Variants in SPSB4 observed in about 807,000 individuals in gnomAD.
SPSB4 encodes the protein SPRY domain-containing SOCS box protein 4.
A neutral mutation model predicts 20.9 loss-of-function variants in SPSB4; 21 were observed. That is an observed-to-expected ratio of 1.01 (90% CI 0.71 to 1.45). The LOEUF (loss-of-function observed/expected upper bound fraction) is 1.45. Ranked by LOEUF, SPSB4 falls within the 40% of genes most tolerant of loss-of-function variation. The pLI is 0.00. For synonymous variants in SPSB4, 207 were observed against 183.8 expected (o/e 1.13, Z -1.02); for missense variants, 399 against 399.2 (o/e 1.00, Z 0.00).
At chr3:141,118,249 GA>G (rs1938911381) in intron 2 of SPSB4, among the ~76,000 whole-genome samples, 1 of 152,218 alleles carries the variant, frequency 6.6e-6, no homozygotes. Context: ...CACCAGTGAT[GA>G]TGAGCATTTT....
intron 2 of SPSB4, among the ~76,000 whole-genome samples, chr3:141,101,557 A>G (rs1938612828): frequency 6.6e-6 from 1 of 152,210 alleles, no homozygotes; most frequent in Admixed American, 6.5e-5. Context: ...TCCCATCTGT[A>G]AAATGGAGAC....
chr3:141,146,755 C>T (rs1400447604), intron 2 of SPSB4, among the ~76,000 whole-genome samples: 1 of 146,090 alleles, frequency 6.8e-6, no homozygotes, highest in East Asian at 2.0e-4. Context: ...GCCTGGGCGA[C>T]AGAGCAAGAC....
At chr3:141,084,055 C>T (rs925210119) in intron 2 of SPSB4, among the ~76,000 whole-genome samples, 1 of 152,078 alleles carries the variant, frequency 6.6e-6, no homozygotes, top group Non-Finnish European at 1.5e-5. Context: ...AATGGCAGAG[C>T]GAGGTGGATG....
intron 1 of SPSB4, among the ~76,000 whole-genome samples, chr3:141,059,504 G>A (rs892307492): frequency 1.3e-5 from 2 of 151,636 alleles, no homozygotes; most frequent in African/African-American, 4.9e-5. Flanking sequence ...AGGCGGGGGT[G>A]GGGAGGTGTC....
intron 2 of SPSB4, among the ~76,000 whole-genome samples, chr3:141,113,490 C>T (rs906046075): frequency 6.6e-6 from 1 of 152,218 alleles, no homozygotes; most frequent in Admixed American, 6.5e-5. Context: ...CATGCTACAA[C>T]ATCAATGAAC....
intron 1 of SPSB4, among the ~76,000 whole-genome samples, chr3:141,055,064 C>A (rs942884625): frequency 1.2e-4 from 18 of 152,060 alleles, no homozygotes; most frequent in Non-Finnish European, 1.9e-4. Flanking sequence ...GTAACAGGTA[C>A]AAGGCTGTGT....
At chr3:141,115,221 A>C (rs1412123910) in intron 2 of SPSB4, 1 of 152,212 alleles carries the variant, frequency 6.6e-6, no homozygotes, top group Non-Finnish European at 1.5e-5. Flanking sequence ...CCTGGATCCA[A>C]CTGCGTTTGG....
intron 2 of SPSB4, among the ~76,000 whole-genome samples, chr3:141,100,305 G>T (rs1938596392): frequency 6.6e-6 from 1 of 152,196 alleles, no homozygotes; most frequent in Non-Finnish European, 1.5e-5. Flanking sequence ...AATAAGTTAA[G>T]ATGAGGTCAT....
At chr3:141,064,204 T>C (rs939001874) in intron 1 of SPSB4, among the ~76,000 whole-genome samples, 1 of 152,274 alleles carries the variant, frequency 6.6e-6, no homozygotes, top group African/African-American at 2.4e-5. Context: ...TTTCTCACAG[T>C]ATTTTTGATC....
intron 2 of SPSB4, among the ~76,000 whole-genome samples, chr3:141,133,672 A>G (rs1262524035): frequency 1.3e-5 from 2 of 152,190 alleles, no homozygotes; most frequent in Non-Finnish European, 2.9e-5. Flanking sequence ...TACCAGTACC[A>G]TGCTGTTTTG....
At chr3:141,139,948 C>T (rs1006495675) in intron 2 of SPSB4, among the ~76,000 whole-genome samples, 2 of 152,152 alleles carry the variant, frequency 1.3e-5, no homozygotes, top group African/African-American at 4.8e-5. Flanking sequence ...TGGTTCCATT[C>T]TCCCAGTCAC....
chr3:141,052,230 C>T lies in SPSB4; in HGVS notation c.-154+238C>T, dbSNP rs111636425. Among the ~76,000 whole-genome samples, 1,054 of 152,282 alleles carry T rather than the reference C, an allele frequency of 6.9e-3. 13 individuals are homozygous for T. Among genetic ancestry groups the T allele is most frequent in the African/African-American group, 0.024 (993 of 41,546 alleles). ...CTAAGCCCTTTGCTTCTCTGCGTAG[C>T]GGACAACGCACAAAAAACTGCCATC... is the stretch of plus-strand genomic sequence containing the variant. On this transcript the variant is annotated intron_variant, in intron 1 of 2. Coordinates refer to ENST00000310546, the MANE Select transcript of SPSB4 (RefSeq NM_080862.3).
chr3:141,138,112 T>C (rs1939258674), intron 2 of SPSB4, among the ~76,000 whole-genome samples: 1 of 152,256 alleles, frequency 6.6e-6, no homozygotes, highest in Non-Finnish European at 1.5e-5. Context: ...ATATTCTAGT[T>C]TATTTTCATA....
intron 2 of SPSB4, among the ~76,000 whole-genome samples, chr3:141,084,039 G>A (rs1938293600): frequency 6.6e-6 from 1 of 152,164 alleles, no homozygotes; most frequent in Admixed American, 6.5e-5. Context: ...GTAGAATGCG[G>A]CTAATAATGG....
intron 2 of SPSB4, among the ~76,000 whole-genome samples, chr3:141,093,970 C>A (rs1457044101): frequency 6.6e-6 from 1 of 152,180 alleles, no homozygotes; most frequent in African/African-American, 2.4e-5. Context: ...TGGAGGCTAG[C>A]AGCACCAGCC....
intron 2 of SPSB4, among the ~76,000 whole-genome samples, chr3:141,140,142 T>C (rs192193792): frequency 6.6e-6 from 1 of 152,358 alleles, no homozygotes; most frequent in African/African-American, 2.4e-5. Context: ...CTGAGGCTTG[T>C]GCATTCGTCA....
chr3:141,066,178 A>G lies in SPSB4; in HGVS notation c.74A>G (p.Glu25Gly), dbSNP rs765293662. Residue 25 changes from glutamate (E) to glycine (G), a missense_variant, in exon 2 of 3, where the codon GAG becomes GGG. Transcript: ENST00000310546. ...REPALRPAKR[E>G]LRGAEPGRPA... ...CCGGCGCTGCGGCCGGCCAAGCGGG[A>G]GCTGCGGGGTGCAGAGCCCGGGCGG... The G allele has an allele frequency of 4.6e-6, 7 of 1,533,068 alleles. No individual in the cohort carries two copies. The East Asian group carries it at 1.3e-4, about 28-fold the overall frequency. The allele number at this position is 1,533,068 out of a possible 1,614,324, so 95.0% of individuals were successfully genotyped here.
chr3:141,106,893 T>C (rs1038755197), intron 2 of SPSB4, among the ~76,000 whole-genome samples: 1 of 152,182 alleles, frequency 6.6e-6, no homozygotes, highest in African/African-American at 2.4e-5. Flanking sequence ...GAGCCCCTCC[T>C]ACATACACAT....
intron 2 of SPSB4, among the ~76,000 whole-genome samples, chr3:141,073,335 G>C (rs1045740669): frequency 6.6e-6 from 1 of 152,174 alleles, no homozygotes; most frequent in Non-Finnish European, 1.5e-5. Flanking sequence ...GCTCGTGAAT[G>C]ACTTTGTTTC....
Sources: allele counts gnomAD v4.1 joint callset (sites outside exome capture counted in the v4.1 genomes callset), GRCh38; gene constraint gnomAD v4.1.1; transcripts MANE v1.5; gene names NCBI Gene and HGNC (gene_info 2026-07-23, HGNC 2026-07-21).